KIT: variants seen among roughly 807,000 people sequenced by gnomAD.
KIT encodes KIT proto-oncogene, receptor tyrosine kinase.
A neutral mutation model predicts 105.7 loss-of-function variants in KIT; 16 were observed. The observed-to-expected ratio is 0.15, with a 90% CI of 0.10 to 0.23. The LOEUF is 0.23. Among genes scored for constraint, KIT ranks in the 10% least tolerant of loss-of-function variants. The probability of loss-of-function intolerance (pLI) is 1.00; values close to 1 mark genes in which losing one functional copy is unlikely to be tolerated. For synonymous variants in KIT, 438 were observed against 441.1 expected (o/e 0.99, Z 0.09); for missense variants, 858 against 1,213.8 (o/e 0.71, Z 4.36).
intron 1 of KIT, among the ~76,000 whole-genome samples, chr4:54,689,459 C>A (rs1204529539): frequency 1.3e-5 from 2 of 152,162 alleles, no homozygotes; most frequent in Non-Finnish European, 2.9e-5. Flanking sequence ...CAGGTCTTTC[C>A]ACTCAGAGAG....
intron 7 of KIT, among the ~76,000 whole-genome samples, chr4:54,715,580 A>C (rs917951791): frequency 6.6e-6 from 1 of 152,032 alleles, no homozygotes; most frequent in African/African-American, 2.4e-5. Context: ...GTTGTTTTTA[A>C]AAATCGGATC....
rs115028437 is a variant in KIT, at chr4:54,740,574, T to C, written c.*2017T>C. ...CCCATGAGTCCTTGAAAATATTTTT[T>C]ATATATACAGTAACTTTATGTGTAA... On this transcript the variant is annotated 3_prime_UTR_variant, in exon 21 of 21. Transcript: ENST00000288135. The C allele has an allele frequency of 5.6e-3, 1,303 of 233,124 alleles. 4 individuals carry two copies. Among genetic ancestry groups the C allele is most frequent in the Non-Finnish European group, 8.4e-3 (994 of 117,726 alleles). 14.4% of individuals were successfully genotyped at this position (233,124 alleles called of 1,614,324 possible). A position where few individuals can be genotyped will look rare whatever the true frequency, so the allele number is the denominator to read the frequency against.
chr4:54,727,179 T>C (rs1722275382), intron 9 of KIT, 39 bp from the exon 10 acceptor site: 1 of 1,575,710 alleles, frequency 6.3e-7, no homozygotes, highest in East Asian at 2.2e-5. Flanking sequence ...GATCCCATCC[T>C]GCCAAAGTTT....
intron 1 of KIT, among the ~76,000 whole-genome samples, chr4:54,678,465 G>GT (rs1718677363): frequency 6.7e-6 from 1 of 150,008 alleles, no homozygotes; most frequent in South Asian, 2.1e-4. Flanking sequence ...AGTAATTATA[G>GT]TAGTAGTAAC....
At chr4:54,662,966 A>C (rs1283213421) in intron 1 of KIT, among the ~76,000 whole-genome samples, 1 of 151,598 alleles carries the variant, frequency 6.6e-6, no homozygotes, top group East Asian at 1.9e-4. Flanking sequence ...GATTGAATAG[A>C]TCTTGAACTT....
At chr4:54,715,354 A>C (rs1721415283) in intron 7 of KIT, among the ~76,000 whole-genome samples, 1 of 131,702 alleles carries the variant, frequency 7.6e-6, no homozygotes, top group African/African-American at 2.9e-5. Flanking sequence ...CTATCAGTGC[A>C]TTTGTGTTGC....
chr4:54,720,169 T>G (rs768197459), intron 7 of KIT, among the ~76,000 whole-genome samples: 2 of 152,142 alleles, frequency 1.3e-5, no homozygotes, highest in Non-Finnish European at 2.9e-5. Context: ...ACCCTCAGCT[T>G]ACTAGATCTC....
chr4:54,663,534 G>C (rs536755336), intron 1 of KIT, among the ~76,000 whole-genome samples: 1 of 149,462 alleles, frequency 6.7e-6, no homozygotes, highest in South Asian at 2.1e-4. Flanking sequence ...TTTTTTTTTC[G>C]TATTAAGATG....
chr4:54,685,869 C>T (rs866729579), intron 1 of KIT, among the ~76,000 whole-genome samples: 3 of 152,210 alleles, frequency 2.0e-5, no homozygotes, highest in African/African-American at 7.2e-5. Context: ...GAATCTTTTT[C>T]TGAGCCTTCT....
At chr4:54,711,475 T>C (rs1721154988) in intron 7 of KIT, among the ~76,000 whole-genome samples, 1 of 152,220 alleles carries the variant, frequency 6.6e-6, no homozygotes, top group Admixed American at 6.5e-5. Flanking sequence ...ATAGGATGTA[T>C]ATATCCCAAA....
intron 6 of KIT, among the ~76,000 whole-genome samples, chr4:54,708,151 G>A (rs1720909423): frequency 6.6e-6 from 1 of 152,168 alleles, no homozygotes; most frequent in Admixed American, 6.5e-5. Context: ...TGGGTGGTGA[G>A]AGACCATACC....
intron 7 of KIT, among the ~76,000 whole-genome samples, chr4:54,710,752 G>A (rs1051037306): frequency 2.0e-5 from 3 of 152,284 alleles, no homozygotes; most frequent in African/African-American, 7.2e-5. Flanking sequence ...ATGTTGGCCA[G>A]GATGGTCTTG....
intron 1 of KIT, among the ~76,000 whole-genome samples, chr4:54,678,937 C>T (rs1718711643): frequency 6.6e-6 from 1 of 151,370 alleles, no homozygotes; most frequent in Non-Finnish European, 1.5e-5. Flanking sequence ...CTAACATGAC[C>T]CCCTCCCCCA....
In KIT at chr4:54,698,264, T is replaced by C; in HGVS notation, c.338-20T>C. ...TGTGACCAGCCATTCCAACTACTGATTTTGGATATGCTTCTATAGATCCTG... is the reference window on the plus strand; with the variant it reads ...TGTGACCAGCCATTCCAACTACTGACTTTGGATATGCTTCTATAGATCCTG... On this transcript the variant is annotated intron_variant, in intron 2 of 20. Coordinates refer to ENST00000288135, the MANE Select transcript of KIT (RefSeq NM_000222.3). 6.2e-7 allele frequency: 1 copy of C among 1,610,778 alleles called. No homozygotes were observed.
At chr4:54,672,510 T>C (rs1163610024) in intron 1 of KIT, among the ~76,000 whole-genome samples, 1 of 152,208 alleles carries the variant, frequency 6.6e-6, no homozygotes, top group African/African-American at 2.4e-5. Context: ...GTTGCTACCA[T>C]AATATTTAAA....
Position 54,657,987 on chromosome 4 carries a change from G to C in KIT, c.-28G>C. The C allele has an allele frequency of 1.9e-6, 3 of 1,611,292 alleles. No homozygotes were observed. The highest frequency in any genetic ancestry group is 2.5e-6 in the Non-Finnish European group (3 of 1,177,948). On this transcript the variant is annotated 5_prime_UTR_variant, in exon 1 of 21. Coordinates refer to ENST00000288135, the MANE Select transcript of KIT (RefSeq NM_000222.3). The stretch of plus-strand genomic sequence containing the variant: ...TGGGCGAGAGCTGGAACGTGGACCA[G>C]AGCTCGGATCCCATCGCAGCTACCG...
In KIT at chr4:54,698,378, C is replaced by G. The variant is rs1372511009; in HGVS notation, c.432C>G (p.Thr144=). The part of the protein sequence containing the change: ...VRCPLTDPEV[T]NYSLKGCQGK... ...GTCCTCTCACAGACCCAGAAGTGAC[C>G]AATTATTCCCTCAAGGGGTGCCAGG... is the stretch of plus-strand genomic sequence containing the variant. Residue 144 remains threonine, a synonymous_variant, in exon 3 of 21, where the codon ACC becomes ACG. Coordinates refer to ENST00000288135, the MANE Select transcript of KIT (RefSeq NM_000222.3). The G allele has an allele frequency of 6.2e-7, 1 of 1,614,096 alleles. No individual in the cohort carries two copies. Among genetic ancestry groups the G allele is most frequent in the South Asian group, 1.1e-5 (1 of 91,070 alleles).
At chr4:54,706,767 A>G (rs1042882603) in intron 5 of KIT, among the ~76,000 whole-genome samples, 2 of 152,194 alleles carry the variant, frequency 1.3e-5, no homozygotes, top group Admixed American at 1.3e-4. Flanking sequence ...GGGTCTGTGT[A>G]TGAACTCACT....
rs557850396 is a variant in KIT at position 54,709,696 on chromosome 4, T to C, written c.1231+157T>C. The C allele has an allele frequency of 4.8e-5, 33 of 691,276 alleles. No homozygotes were observed. In the East Asian group the frequency reaches 8.5e-4, roughly 18 times the overall value. 42.8% of individuals were successfully genotyped at this position (691,276 alleles called of 1,614,324 possible). ...ACTTCGTGGTTTGGTGGTTAGAGTG[T>C]GTCAAAAAACCAGTTCCTTGTCCTA... is the stretch of plus-strand genomic sequence containing the variant. On this transcript the variant is annotated intron_variant, in intron 7 of 20. Coordinates refer to ENST00000288135, the MANE Select transcript of KIT (RefSeq NM_000222.3).
Sources: gnomAD v4.1 joint callset for allele counts (sites outside exome capture counted in the v4.1 genomes callset) on GRCh38, gnomAD v4.1.1 for gene constraint, MANE v1.5 for transcripts, NCBI Gene and HGNC (gene_info 2026-07-23, HGNC 2026-07-21) for gene names.